ADAMTS19: variants seen among roughly 807,000 people sequenced by gnomAD.
The protein encoded by ADAMTS19 is ADAM metallopeptidase with thrombospondin type 1 motif 19.
In ADAMTS19, 93 loss-of-function variants were observed where a neutral mutation model predicts 153.3. The ratio of observed to expected loss-of-function variants is 0.61; its 90% CI spans 0.51 to 0.72. ADAMTS19 has a LOEUF of 0.72. Ranked by LOEUF, ADAMTS19 falls within the 30% of genes least tolerant of loss-of-function variation. The pLI, the probability that ADAMTS19 is intolerant of heterozygous loss-of-function variation, is 0.00. For synonymous variants in ADAMTS19, 600 were observed against 556.6 expected, an observed-to-expected ratio of 1.08 and a Z score of -1.10; for missense variants, 1,482 against 1,552.1, an observed-to-expected ratio of 0.95 and a Z score of 0.76.
intron 14 of ADAMTS19, among the ~76,000 whole-genome samples, chr5:129,658,351 A>AAGAAAGAAAGAGAGAGAGAGAGAGAGAG (rs1561632431): frequency 9.0e-5 from 12 of 133,194 alleles, no homozygotes; most frequent in East Asian, 2.0e-4. Flanking sequence ...GAAAGAAAGA[A>AAGAAAGAAAGAGAGAGAGAGAGAGAGAG]AGAAAGAAAG....
chr5:129,607,128 G>T (rs1294007721), intron 8 of ADAMTS19, among the ~76,000 whole-genome samples: 1 of 152,056 alleles, frequency 6.6e-6, no homozygotes, highest in Non-Finnish European at 1.5e-5. Flanking sequence ...TGTTGGCCAG[G>T]CTGGTCTTGA....
chr5:129,585,321 A>G (rs969543170), intron 7 of ADAMTS19, among the ~76,000 whole-genome samples: 9 of 151,846 alleles, frequency 5.9e-5, no homozygotes, highest in Admixed American at 4.6e-4. Flanking sequence ...TGGGAGCTGC[A>G]GACCGGAGCT....
chr5:129,692,724 A>G (rs1755389479), intron 18 of ADAMTS19, among the ~76,000 whole-genome samples: 1 of 152,158 alleles, frequency 6.6e-6, no homozygotes, highest in African/African-American at 2.4e-5. Context: ...GAGGATGAGT[A>G]CTGTTTTCTA....
chr5:129,496,343 G>T (rs1750928300), intron 2 of ADAMTS19, among the ~76,000 whole-genome samples: 1 of 152,060 alleles, frequency 6.6e-6, no homozygotes, highest in Admixed American at 6.6e-5. Context: ...TTTGCACATT[G>T]CTATATTTCC....
chr5:129,531,561 G>A (rs1364379538), intron 6 of ADAMTS19, among the ~76,000 whole-genome samples: 4 of 152,142 alleles, frequency 2.6e-5, no homozygotes. Context: ...GGAGGCAGAG[G>A]TTGCAGTGAG....
intron 6 of ADAMTS19, among the ~76,000 whole-genome samples, chr5:129,538,112 T>C (rs1424835211): frequency 6.6e-6 from 1 of 152,064 alleles, no homozygotes; most frequent in Non-Finnish European, 1.5e-5. Context: ...AAATATTGCT[T>C]CTGAGACTAA....
At chr5:129,535,088 A>G (rs760388882) in intron 6 of ADAMTS19, among the ~76,000 whole-genome samples, 2 of 152,208 alleles carry the variant, frequency 1.3e-5, no homozygotes, top group Admixed American at 1.3e-4. Flanking sequence ...AGAAGGAAAT[A>G]AAGGGCATTC....
intron 3 of ADAMTS19, 127 bp from the exon 4 acceptor site, chr5:129,526,157 G>A (rs950643297): frequency 1.4e-6 from 1 of 734,160 alleles, no homozygotes; most frequent in Non-Finnish European, 2.0e-6. Context: ...ATATTTCAAA[G>A]CCAAATGCCC....
At chr5:129,503,610 A>G (rs1751175725) in intron 2 of ADAMTS19, among the ~76,000 whole-genome samples, 1 of 152,158 alleles carries the variant, frequency 6.6e-6, no homozygotes, top group African/African-American at 2.4e-5. Context: ...AGGCTGAGGC[A>G]TGCGGATCAC....
At chr5:129,574,836 T>G (rs1464629353) in intron 7 of ADAMTS19, among the ~76,000 whole-genome samples, 1 of 146,860 alleles carries the variant, frequency 6.8e-6, no homozygotes, top group Non-Finnish European at 1.5e-5. Context: ...ATCAGAAATT[T>G]TTTTAAGTAT....
At chr5:129,649,406 CA>C (rs1485662965) in intron 13 of ADAMTS19, among the ~76,000 whole-genome samples, 1 of 152,212 alleles carries the variant, frequency 6.6e-6, no homozygotes, top group East Asian at 1.9e-4. Context: ...ATACATGCAA[CA>C]ACCTGATAGA....
chr5:129,702,958 A>G (rs1442491896), intron 20 of ADAMTS19, among the ~76,000 whole-genome samples: 1 of 133,080 alleles, frequency 7.5e-6, no homozygotes, highest in Non-Finnish European at 1.5e-5. Flanking sequence ...ATATATATAT[A>G]TATATATATA....
At chr5:129,530,518 A>C (rs1446795953) in intron 6 of ADAMTS19, among the ~76,000 whole-genome samples, 1 of 152,182 alleles carries the variant, frequency 6.6e-6, no homozygotes, top group Admixed American at 6.5e-5. Context: ...GTTCAAATAA[A>C]TGACTGACTT....
intron 8 of ADAMTS19, among the ~76,000 whole-genome samples, chr5:129,615,736 C>A (rs1328472839): frequency 6.6e-6 from 1 of 151,874 alleles, no homozygotes; most frequent in East Asian, 1.9e-4. Flanking sequence ...TAAAAAGAAT[C>A]AGCACCAATT....
intron 6 of ADAMTS19, among the ~76,000 whole-genome samples, chr5:129,541,137 GAGGTACTTCT>G (rs1056473945): frequency 4.0e-5 from 6 of 151,878 alleles, no homozygotes; most frequent in Middle Eastern, 3.4e-3. Flanking sequence ...ATTTTAGTGA[GAGGTACTTCT>G]AGTGTTTCTG....
chr5:129,588,379 A>T (rs1167585164), intron 7 of ADAMTS19, among the ~76,000 whole-genome samples: 1 of 152,126 alleles, frequency 6.6e-6, no homozygotes, highest in Non-Finnish European at 1.5e-5. Context: ...CAACTTTAGA[A>T]AAAGTTCGAT....
At chr5:129,534,617 C>A (rs1752345317) in intron 6 of ADAMTS19, among the ~76,000 whole-genome samples, 2 of 151,884 alleles carry the variant, frequency 1.3e-5, no homozygotes, top group Non-Finnish European at 2.9e-5. Flanking sequence ...AGAGACACAA[C>A]AAAAAAAGAG....
At chr5:129,472,721 A>G (rs1005205649) in intron 2 of ADAMTS19, among the ~76,000 whole-genome samples, 7 of 151,784 alleles carry the variant, frequency 4.6e-5, no homozygotes, top group African/African-American at 1.7e-4. Context: ...AAATTGTAGC[A>G]GGAGAATTAC....
chr5:129,579,143 G>A lies in ADAMTS19; in HGVS notation c.1373-17416G>A, dbSNP rs182007217. Among the ~76,000 whole-genome samples the A allele has an allele frequency of 3.0e-3, 464 of 152,272 alleles. 8 individuals carry two copies. Among genetic ancestry groups the A allele is most frequent in the Middle Eastern group, 0.017 (5 of 294 alleles). On this transcript the variant is annotated intron_variant, in intron 7 of 22. Coordinates refer to ENST00000274487, the MANE Select transcript of ADAMTS19 (RefSeq NM_133638.6). ...CTTAATGATCGCCATTCTAACTGGCGTGAGATAGTATCTCATTGTGGTTTT... is the reference window on the plus strand; with the variant it reads ...CTTAATGATCGCCATTCTAACTGGCATGAGATAGTATCTCATTGTGGTTTT...
Sources: gnomAD v4.1 joint callset for allele counts (sites outside exome capture counted in the v4.1 genomes callset) on GRCh38, gnomAD v4.1.1 for gene constraint, MANE v1.5 for transcripts, NCBI Gene and HGNC (gene_info 2026-07-23, HGNC 2026-07-21) for gene names.